Variants in PHTF2 observed in about 807,000 individuals in gnomAD.
The protein encoded by PHTF2 is putative homeodomain transcription factor 2.
In PHTF2, 60 loss-of-function variants were observed where a neutral mutation model predicts 101.2. The ratio of observed to expected loss-of-function variants is 0.59; its 90% CI spans 0.48 to 0.73. PHTF2 has a LOEUF of 0.73. Among genes scored for constraint, PHTF2 ranks in the 30% least tolerant of loss-of-function variants. The probability of loss-of-function intolerance (pLI) is 0.00; values close to 1 mark genes in which losing one functional copy is unlikely to be tolerated. For synonymous variants in PHTF2, 311 were observed against 307.3 expected (o/e 1.01, Z -0.13); for missense variants, 747 against 908.7 (o/e 0.82, Z 2.29).
intron 7 of PHTF2, among the ~76,000 whole-genome samples, chr7:77,904,443 A>T (rs894960194): frequency 1.3e-5 from 2 of 152,230 alleles, no homozygotes; most frequent in African/African-American, 4.8e-5. Flanking sequence ...GTGTTATATT[A>T]GTCACCTTGG....
intron 2 of PHTF2, among the ~76,000 whole-genome samples, chr7:77,849,509 T>A (rs1796570206): frequency 6.6e-6 from 1 of 152,140 alleles, no homozygotes; most frequent in Non-Finnish European, 1.5e-5. Context: ...TCCAGTTTTG[T>A]TGTTTTCACT....
At chr7:77,932,621 A>AGAGAGTGTGTGTGT (rs759880633) in intron 12 of PHTF2, among the ~76,000 whole-genome samples, 2 of 118,476 alleles carry the variant, frequency 1.7e-5, no homozygotes, top group African/African-American at 7.0e-5. Flanking sequence ...AGAGAGAGAG[A>AGAGAGTGTGTGTGT]GTGTGTGTGT....
chr7:77,954,995 T>A, exon 20 of PHTF2: 1 of 516,570 alleles, frequency 1.9e-6, no homozygotes. Flanking sequence ...GTTGAAGTGT[T>A]TACATCAGAC....
intron 17 of PHTF2, among the ~76,000 whole-genome samples, chr7:77,950,648 C>T (rs1806456364): frequency 6.6e-6 from 1 of 151,978 alleles, no homozygotes; most frequent in Non-Finnish European, 1.5e-5. Context: ...GAGTGAGACT[C>T]CAACTCAAAA....
intron 12 of PHTF2, among the ~76,000 whole-genome samples, chr7:77,930,316 C>T (rs1014320037): frequency 5.9e-5 from 9 of 152,106 alleles, no homozygotes; most frequent in Non-Finnish European, 1.5e-5. Context: ...TTGGACAGCA[C>T]GATTTTATAG....
chr7:77,863,787 G>GTTTTTT (rs368245678), intron 3 of PHTF2, among the ~76,000 whole-genome samples: 12 of 132,170 alleles, frequency 9.1e-5, no homozygotes, highest in South Asian at 2.4e-4. Flanking sequence ...GTTTTGTTTT[G>GTTTTTT]TTTTTTTTTT....
chr7:77,929,280 A>G (rs372785475), exon 12 of PHTF2: 4 of 1,612,046 alleles, frequency 2.5e-6, no homozygotes, highest in Non-Finnish European at 3.4e-6. Flanking sequence ...AAATCATCAG[A>G]TTAATCCATG....
At chr7:77,924,421 T>A (rs1164744277) in intron 11 of PHTF2, among the ~76,000 whole-genome samples, 1 of 152,144 alleles carries the variant, frequency 6.6e-6, no homozygotes, top group East Asian at 1.9e-4. Context: ...AGTGGCTGAT[T>A]CCTGATTGTC....
intron 5 of PHTF2, among the ~76,000 whole-genome samples, chr7:77,898,966 A>T (rs1454564324): frequency 6.6e-6 from 1 of 151,852 alleles, no homozygotes; most frequent in Non-Finnish European, 1.5e-5. Context: ...ATGCCCAGCT[A>T]ATTTTTTGTA....
chr7:77,925,297 T>C (rs1239214651), intron 11 of PHTF2, among the ~76,000 whole-genome samples: 1 of 152,124 alleles, frequency 6.6e-6, no homozygotes, highest in African/African-American at 2.4e-5. Flanking sequence ...ATATGTTCAG[T>C]TTTAGGCGTC....
At chr7:77,813,521 G>C (rs1392963762) in intron 1 of PHTF2, among the ~76,000 whole-genome samples, 1 of 152,238 alleles carries the variant, frequency 6.6e-6, no homozygotes, top group Non-Finnish European at 1.5e-5. Context: ...GTAGATAGCA[G>C]TGTTTTGCAC....
exon 20 of PHTF2, chr7:77,955,854 G>A (rs749936167): frequency 2.6e-5 from 4 of 152,260 alleles, no homozygotes; most frequent in Non-Finnish European, 4.4e-5. Flanking sequence ...TTCTCTAATT[G>A]CTAGTTGTAA....
At chr7:77,935,663 AG>A (rs1805059251) in intron 12 of PHTF2, among the ~76,000 whole-genome samples, 1 of 152,206 alleles carries the variant, frequency 6.6e-6, no homozygotes, top group Admixed American at 6.5e-5. Flanking sequence ...TGCTTTTGGG[AG>A]GACAATGAGA....
intron 1 of PHTF2, among the ~76,000 whole-genome samples, chr7:77,807,394 C>T (rs1271895644): frequency 2.0e-5 from 3 of 151,912 alleles, no homozygotes; most frequent in Non-Finnish European, 2.9e-5. Context: ...TGATAGCCAT[C>T]CTAATGGATG....
exon 20 of PHTF2, chr7:77,956,087 TTTAA>T (rs1341849136): frequency 2.0e-5 from 3 of 152,568 alleles, no homozygotes; most frequent in Non-Finnish European, 4.4e-5. Context: ...GGGCCTTGAT[TTTAA>T]GTTGTTATAT....
intron 1 of PHTF2, among the ~76,000 whole-genome samples, chr7:77,802,744 G>A (rs934477576): frequency 1.4e-4 from 22 of 152,168 alleles, no homozygotes; most frequent in Non-Finnish European, 2.9e-5. Flanking sequence ...GTCTTGCTAT[G>A]TTGGCCAGGC....
chr7:77,918,442 C>A (rs745955282), intron 9 of PHTF2, among the ~76,000 whole-genome samples: 5 of 152,186 alleles, frequency 3.3e-5, no homozygotes, highest in Admixed American at 2.6e-4. Context: ...AATTTATCCC[C>A]CTTTTCCTCT....
At chr7:77,902,490 C>A (rs977288853) in intron 7 of PHTF2, among the ~76,000 whole-genome samples, 1 of 152,122 alleles carries the variant, frequency 6.6e-6, no homozygotes, top group African/African-American at 2.4e-5. Flanking sequence ...TGGTAGAGCC[C>A]AGATTCAATT....
chr7:77,829,804 T>G (rs1331278638), intron 1 of PHTF2, among the ~76,000 whole-genome samples: 2 of 152,232 alleles, frequency 1.3e-5, no homozygotes, highest in African/African-American at 4.8e-5. Context: ...TTATTTTCAT[T>G]AGACCTTTTA....
Sources: gnomAD v4.1 joint callset for allele counts (sites outside exome capture counted in the v4.1 genomes callset) on GRCh38, gnomAD v4.1.1 for gene constraint, MANE v1.5 for transcripts, NCBI Gene and HGNC (gene_info 2026-07-23, HGNC 2026-07-21) for gene names.